SYT14: variants seen among roughly 807,000 people sequenced by gnomAD.
SYT14 encodes synaptotagmin-14.
In SYT14, 32 loss-of-function variants were observed where a neutral mutation model predicts 74.2. The observed-to-expected ratio is 0.43, with a 90% CI of 0.33 to 0.58. The LOEUF is 0.58. Among genes scored for constraint, SYT14 ranks in the 20% least tolerant of loss-of-function variants. The probability of loss-of-function intolerance (pLI) is 0.05; values close to 1 mark genes in which losing one functional copy is unlikely to be tolerated. For synonymous variants in SYT14, 298 were observed against 337.7 expected (o/e 0.88, Z 1.29); for missense variants, 791 against 981.8 (o/e 0.81, Z 2.60).
In SYT14 at chr1:209,990,800, T is replaced by G. The variant is rs74679658; in HGVS notation, c.-485-22833T>G. Among the ~76,000 whole-genome samples the G allele has an allele frequency of 5.9e-3, 892 of 152,022 alleles. 11 individuals carry two copies. Among genetic ancestry groups the G allele is most frequent in the African/African-American group, 0.021 (866 of 41,512 alleles). ...AAATACAGAGTAATCATTGTTTCTTTCACATTCTTGTCATTTCCTCGTTAG... is the reference window on the plus strand; with the variant it reads ...AAATACAGAGTAATCATTGTTTCTTGCACATTCTTGTCATTTCCTCGTTAG... On this transcript the variant is annotated intron_variant, in intron 2 of 9. Transcript: ENST00000637265.
At chr1:210,041,505 T>G (rs1268670722) in intron 5 of SYT14, among the ~76,000 whole-genome samples, 1 of 152,098 alleles carries the variant, frequency 6.6e-6, no homozygotes, top group African/African-American at 2.4e-5. Flanking sequence ...GATGCAGAGG[T>G]GAATATATGC....
chr1:210,081,260 A>G (rs1385478981), intron 5 of SYT14, among the ~76,000 whole-genome samples: 1 of 152,338 alleles, frequency 6.6e-6, no homozygotes, highest in Middle Eastern at 3.4e-3. Flanking sequence ...CTGAAGAACT[A>G]TAATACTATA....
intron 4 of SYT14, chr1:210,017,107 C>T: frequency 2.4e-6 from 3 of 1,229,556 alleles, no homozygotes; most frequent in Non-Finnish European, 2.0e-6. Flanking sequence ...AAGGTGAGGT[C>T]TCCTAATGTT....
At chr1:209,960,707 A>T (rs2079063309) in intron 2 of SYT14, among the ~76,000 whole-genome samples, 1 of 152,170 alleles carries the variant, frequency 6.6e-6, no homozygotes, top group Admixed American at 6.6e-5. Context: ...TCTTAAAGTG[A>T]GTAGTTGTAA....
intron 7 of SYT14, among the ~76,000 whole-genome samples, chr1:210,107,055 A>T (rs2082171627): frequency 6.6e-6 from 1 of 152,234 alleles, no homozygotes; most frequent in African/African-American, 2.4e-5. Context: ...GCCCCATGCC[A>T]AGTCCAAAAT....
rs1030002819 is a variant in SYT14, at chr1:210,053,265, T to C, written c.1312+32011T>C. ...ATGCCTGCTATGCTATGCACAGAGA[T>C]AGAAAAAGAGCTGTTTAAGAGAAGA... On this transcript the variant is annotated intron_variant, in intron 5 of 9. Coordinates refer to ENST00000637265, the Ensembl canonical transcript of SYT14. Among the ~76,000 whole-genome samples the C allele has an allele frequency of 2.6e-5, 4 of 152,190 alleles. No individual in the cohort carries two copies. The South Asian group carries it at 8.3e-4, about 32-fold the overall frequency.
chr1:210,085,781 A>C (rs1262763408), intron 5 of SYT14, among the ~76,000 whole-genome samples: 1 of 152,102 alleles, frequency 6.6e-6, no homozygotes, highest in African/African-American at 2.4e-5. Context: ...TCTGGGTTAG[A>C]TTTGCTAAAA....
intron 7 of SYT14, among the ~76,000 whole-genome samples, chr1:210,145,289 C>T (rs1231560285): frequency 6.6e-6 from 1 of 152,134 alleles, no homozygotes; most frequent in African/African-American, 2.4e-5. Flanking sequence ...AAGTTGTGAT[C>T]CCTGCTCAAG....
intron 2 of SYT14, among the ~76,000 whole-genome samples, chr1:209,970,135 T>C (rs2079223891): frequency 6.6e-6 from 1 of 152,192 alleles, no homozygotes; most frequent in African/African-American, 2.4e-5. Flanking sequence ...ATGAATTCTT[T>C]GTCTAGCCCA....
chr1:210,078,883 A>C (rs993955810), intron 5 of SYT14, among the ~76,000 whole-genome samples: 4 of 151,572 alleles, frequency 2.6e-5, no homozygotes, highest in Non-Finnish European at 5.9e-5. Context: ...AGTAACTGGG[A>C]CTACAGGGTT....
At chr1:210,025,427 T>C (rs573850563) in intron 5 of SYT14, among the ~76,000 whole-genome samples, 28 of 152,366 alleles carry the variant, frequency 1.8e-4, no homozygotes, top group African/African-American at 6.3e-4. Flanking sequence ...AGGTTAAACT[T>C]GACTAATGTG....
intron 2 of SYT14, among the ~76,000 whole-genome samples, chr1:209,993,282 C>T (rs771148804): frequency 6.6e-6 from 1 of 152,182 alleles, no homozygotes; most frequent in Non-Finnish European, 1.5e-5. Context: ...TGTCGACTGC[C>T]CCTCCTTGGA....
chr1:210,079,768 C>A (rs1317565798), intron 5 of SYT14, among the ~76,000 whole-genome samples: 1 of 152,140 alleles, frequency 6.6e-6, no homozygotes, highest in Non-Finnish European at 1.5e-5. Context: ...GAGGAAATAC[C>A]TATGAAGACC....
At chr1:210,130,612 C>G (rs906468800) in intron 7 of SYT14, among the ~76,000 whole-genome samples, 2 of 152,160 alleles carry the variant, frequency 1.3e-5, no homozygotes, top group Non-Finnish European at 2.9e-5. Context: ...ATAGTCCCAC[C>G]TGGACTGTCC....
chr1:210,020,987 G>T, intron 4 of SYT14, 52 bp from the exon 4 acceptor site: 1 of 1,531,178 alleles, frequency 6.5e-7, no homozygotes, highest in Non-Finnish European at 9.0e-7. Context: ...CCAGGTGAGG[G>T]GAGGGAATTT....
chr1:210,060,840 TTTTTCTGCTA>T (rs1232727223), intron 5 of SYT14, among the ~76,000 whole-genome samples: 1 of 152,018 alleles, frequency 6.6e-6, no homozygotes, highest in African/African-American at 2.4e-5. Flanking sequence ...ATAAAACATG[TTTTTCTGCTA>T]TTTTCTTACA....
At position 210,156,356 on chromosome 1, in the gene SYT14, T is replaced by A. The variant is rs77130121; in HGVS notation, c.2224+446T>A. On this transcript the variant is annotated intron_variant, in intron 8 of 9. Transcript: ENST00000637265. Reference sequence around the variant, plus strand: ...CTCCCTTAACGATTTAAGAAGAAACTATTACTTCACTTTTTTTTTTCTTCT... The same window carrying A: ...CTCCCTTAACGATTTAAGAAGAAACAATTACTTCACTTTTTTTTTTCTTCT... Among the ~76,000 whole-genome samples the A allele has an allele frequency of 5.7e-3, 871 of 152,302 alleles. 11 individuals are homozygous for A. Among genetic ancestry groups the A allele is most frequent in the African/African-American group, 0.02 (848 of 41,580 alleles).
intron 5 of SYT14, among the ~76,000 whole-genome samples, chr1:210,055,773 C>T (rs1353375692): frequency 3.4e-5 from 5 of 145,300 alleles, no homozygotes; most frequent in African/African-American, 1.0e-4. Context: ...CCACTGAACT[C>T]GAAATTAAAA....
intron 5 of SYT14, among the ~76,000 whole-genome samples, chr1:210,078,462 A>G (rs2081555028): frequency 1.3e-5 from 2 of 152,148 alleles, no homozygotes; most frequent in Admixed American, 1.3e-4. Flanking sequence ...ATGTGCCATG[A>G]CAAATATTTA....
Sources: gnomAD v4.1 joint callset for allele counts (sites outside exome capture counted in the v4.1 genomes callset) on GRCh38, gnomAD v4.1.1 for gene constraint, MANE v1.5 for transcripts, NCBI Gene and HGNC (gene_info 2026-07-23, HGNC 2026-07-21) for gene names.